TMC5: variants seen among roughly 807,000 people sequenced by gnomAD.
The protein encoded by TMC5 is transmembrane channel-like protein 5.
TMC5 carries 86 observed loss-of-function variants against 110.5 expected under a neutral mutation model. The observed-to-expected ratio is 0.78, with a 90% confidence interval of 0.65 to 0.93. The LOEUF (loss-of-function observed/expected upper bound fraction) is 0.93. TMC5 is among the 40% of genes least tolerant of loss of function. TMC5 has a pLI of 0.00. For synonymous variants in TMC5, 455 were observed against 439.5 expected (o/e 1.04, Z -0.44); for missense variants, 1,144 against 1,222.8 (o/e 0.94, Z 0.96).
chr16:19,489,969 G>C (rs1286068816), intron 17 of TMC5, among the ~76,000 whole-genome samples: 1 of 151,500 alleles, frequency 6.6e-6, no homozygotes, highest in East Asian at 1.9e-4. Flanking sequence ...TTTTTTTGTA[G>C]AGATGGAGTC....
At chr16:19,477,609 G>T in intron 13 of TMC5, 91 bp downstream of exon 13, 3 of 848,252 alleles carry the variant, frequency 3.5e-6, no homozygotes, top group South Asian at 1.7e-5. Context: ...ATCACACTCC[G>T]TATTTGGTAT....
At chr16:19,420,413 C>A (rs1159606655) in intron 1 of TMC5, among the ~76,000 whole-genome samples, 3 of 148,900 alleles carry the variant, frequency 2.0e-5, no homozygotes, top group Admixed American at 6.7e-5. Flanking sequence ...GGCAACAGAG[C>A]AAGACTCCGT....
At chr16:19,473,265 G>A (rs940773938) in intron 11 of TMC5, among the ~76,000 whole-genome samples, 13 of 138,666 alleles carry the variant, frequency 9.4e-5, no homozygotes, top group African/African-American at 3.4e-4. Context: ...AGAATCACTT[G>A]AACCTCGGAG....
chr16:19,454,233 A>T (rs184830077), intron 5 of TMC5, among the ~76,000 whole-genome samples: 1 of 152,202 alleles, frequency 6.6e-6, no homozygotes, highest in Non-Finnish European at 1.5e-5. Context: ...TTTTCAGTAG[A>T]CAGAGTTTCA....
intron 2 of TMC5, among the ~76,000 whole-genome samples, chr16:19,433,140 A>G (rs1380700016): frequency 2.0e-5 from 3 of 152,336 alleles, no homozygotes; most frequent in African/African-American, 2.4e-5. Flanking sequence ...ACTCTGCTGC[A>G]TCAAAATAAC....
chr16:19,481,574 T>A, intron 15 of TMC5, 109 bp downstream of exon 15: 1 of 804,280 alleles, frequency 1.2e-6, no homozygotes, highest in Non-Finnish European at 2.2e-6. Context: ...GCAGGGGTGA[T>A]AACCCATCCA....
chr16:19,432,929 G>A (rs940769871), intron 2 of TMC5, among the ~76,000 whole-genome samples: 1 of 151,970 alleles, frequency 6.6e-6, no homozygotes, highest in African/African-American at 2.4e-5. Flanking sequence ...TATTATATGT[G>A]TAGATCTATT....
intron 18 of TMC5, among the ~76,000 whole-genome samples, chr16:19,491,269 C>T (rs1968898199): frequency 6.6e-6 from 1 of 152,210 alleles, no homozygotes. Flanking sequence ...CTCAGCTTCT[C>T]AAAGTGTTGG....
At chr16:19,412,847 T>C (rs1015957593) in intron 1 of TMC5, among the ~76,000 whole-genome samples, 2 of 152,086 alleles carry the variant, frequency 1.3e-5, no homozygotes, top group African/African-American at 4.8e-5. Context: ...CTCATCTATT[T>C]ATTTATTTAG....
intron 1 of TMC5, among the ~76,000 whole-genome samples, chr16:19,429,858 C>T (rs1470204647): frequency 1.3e-5 from 2 of 151,970 alleles, no homozygotes; most frequent in African/African-American, 4.8e-5. Flanking sequence ...CTGTGCCTGG[C>T]CCAAAGTTCC....
chr16:19,449,268 G>C (rs1241504874), intron 4 of TMC5, among the ~76,000 whole-genome samples: 1 of 152,148 alleles, frequency 6.6e-6, no homozygotes, highest in Non-Finnish European at 1.5e-5. Flanking sequence ...TTACAGGCGT[G>C]AGCTACCTCA....
intron 2 of TMC5, among the ~76,000 whole-genome samples, chr16:19,435,775 T>A (rs1597167406): frequency 6.6e-6 from 1 of 152,238 alleles, no homozygotes; most frequent in Non-Finnish European, 1.5e-5. Context: ...CATTATGCAG[T>A]ATGAACTCTG....
intron 5 of TMC5, among the ~76,000 whole-genome samples, chr16:19,457,882 C>A (rs1471339367): frequency 6.6e-6 from 1 of 151,580 alleles, no homozygotes; most frequent in Non-Finnish European, 1.5e-5. Flanking sequence ...TGTCACCACA[C>A]CCATCTAATT....
chr16:19,440,760 C>G lies in TMC5; in HGVS notation c.722C>G (p.Pro241Arg). ...AACTTGCCAAGCACTTGGAGAGAAC[C>G]TGATTATTCAGATGCTGAGAATGGT... ...NQNLPSTWRE[P>R]DYSDAENGHD... is the part of the protein sequence containing the mutation. The change falls in exon 3 of 22, where the codon CCT (proline) becomes CGT (arginine). Residue 241 changes from proline (P) to arginine (R), a missense_variant. Transcript: ENST00000542583. 1 of 1,614,090 alleles carries G rather than the reference C, an allele frequency of 6.2e-7. No homozygotes were observed. Among genetic ancestry groups the G allele is most frequent in the Non-Finnish European group, 8.5e-7 (1 of 1,180,038 alleles).
At chr16:19,497,528 G>A (rs1969087218) in intron 21 of TMC5, among the ~76,000 whole-genome samples, 1 of 152,332 alleles carries the variant, frequency 6.6e-6, no homozygotes, top group Middle Eastern at 3.4e-3. Flanking sequence ...CTGACTGGGT[G>A]ATGTCCCCGT....
chr16:19,425,285 T>C (rs1461145166), intron 1 of TMC5, among the ~76,000 whole-genome samples: 1 of 151,942 alleles, frequency 6.6e-6, no homozygotes, highest in Non-Finnish European at 1.5e-5. Flanking sequence ...TGTCACTTTA[T>C]GTCACTTAAT....
upstream of TMC5, among the ~76,000 whole-genome samples, chr16:19,416,313 AT>A (rs1358104151): frequency 6.6e-6 from 1 of 152,070 alleles, no homozygotes; most frequent in Non-Finnish European, 1.5e-5. Flanking sequence ...TAGGAAACAG[AT>A]TTTGTTTGTT....
In TMC5 at chr16:19,454,748, T is replaced by A. The variant is rs532635841; in HGVS notation, c.1048+5117T>A. On this transcript the variant is annotated intron_variant, in intron 5 of 21. Coordinates refer to ENST00000542583, the MANE Select transcript of TMC5 (RefSeq NM_001261841.2). ...TAAATAAACAACTAGGCCTAGGTGA[T>A]TTGAAATTAGATCTATTGGATAGGA... Among the ~76,000 whole-genome samples, 5 of 152,304 alleles carry A rather than the reference T, an allele frequency of 3.3e-5. No individual in the cohort carries two copies. In the South Asian group the frequency reaches 8.3e-4, roughly 25 times the overall value.
At chr16:19,424,382 G>A (rs1191614360) in intron 1 of TMC5, among the ~76,000 whole-genome samples, 2 of 152,190 alleles carry the variant, frequency 1.3e-5, no homozygotes, top group Non-Finnish European at 2.9e-5. Context: ...TGGGAGTGGT[G>A]GCTCATGCCT....
Sources: gnomAD v4.1 joint callset for allele counts (sites outside exome capture counted in the v4.1 genomes callset) on GRCh38, gnomAD v4.1.1 for gene constraint, MANE v1.5 for transcripts, NCBI Gene and HGNC (gene_info 2026-07-23, HGNC 2026-07-21) for gene names.